DNAJB6: variants seen among roughly 807,000 people sequenced by gnomAD.
DNAJB6 encodes the protein dnaJ homolog subfamily B member 6.
Under a neutral mutation model 42.7 loss-of-function variants are expected in DNAJB6, and 16 were observed. The ratio of observed to expected loss-of-function variants is 0.37; its 90% CI spans 0.25 to 0.57. The LOEUF (loss-of-function observed/expected upper bound fraction) is 0.57, where lower values mean the gene tolerates loss of function less well. DNAJB6 is among the 20% of genes least tolerant of loss of function. The pLI is 0.74. For synonymous variants in DNAJB6, 170 were observed against 163.5 expected (o/e 1.04, Z -0.30); for missense variants, 347 against 416.8 (o/e 0.83, Z 1.46).
intron 1 of DNAJB6, among the ~76,000 whole-genome samples, chr7:157,349,295 A>G (rs1043917159): frequency 6.6e-6 from 1 of 152,210 alleles, no homozygotes; most frequent in Non-Finnish European, 1.5e-5. Flanking sequence ...AAATTCAATC[A>G]GAATGACAAT....
chr7:157,410,416 C>CCGA (rs1455790791), intron 9 of DNAJB6: 1 of 342,158 alleles, frequency 2.9e-6, no homozygotes, highest in Non-Finnish European at 5.2e-6. Context: ...TTCACCTTCT[C>CCGA]GTGCCTTCTT....
intron 8 of DNAJB6, among the ~76,000 whole-genome samples, chr7:157,400,574 G>A (rs184085297): frequency 3.1e-4 from 47 of 152,376 alleles, no homozygotes; most frequent in African/African-American, 9.9e-4. Context: ...CTGTGTTTAC[G>A]TTCTTGGCTC....
intron 5 of DNAJB6, among the ~76,000 whole-genome samples, chr7:157,374,216 T>G (rs1351974701): frequency 6.6e-6 from 1 of 152,144 alleles, no homozygotes; most frequent in African/African-American, 2.4e-5. Context: ...TATGGTTGTG[T>G]GCGTATTTGA....
At chr7:157,369,157 GT>G (rs1322444958) in intron 5 of DNAJB6, 2 of 401,840 alleles carry the variant, frequency 5.0e-6, no homozygotes, top group African/African-American at 4.1e-5. Flanking sequence ...CGTGCTCATC[GT>G]TTAAGTGCAT....
intron 6 of DNAJB6, chr7:157,382,651 A>G (rs977446531): frequency 1.3e-5 from 3 of 225,312 alleles, no homozygotes; most frequent in African/African-American, 4.6e-5. Context: ...GGGGCAACAT[A>G]TGTTCTGCAT....
chr7:157,360,633 C>CTAG (rs1182443541), intron 2 of DNAJB6, among the ~76,000 whole-genome samples: 1 of 152,208 alleles, frequency 6.6e-6, no homozygotes, highest in Non-Finnish European at 1.5e-5. Flanking sequence ...ATTTCCTGCA[C>CTAG]TCCTGAGTGT....
Position 157,350,664 on chromosome 7 carries a change from C to G in DNAJB6, c.-26-7883C>G, listed in dbSNP as rs772028149. On this transcript the variant is annotated intron_variant, in intron 1 of 9. Transcript: ENST00000262177. Reference sequence around the variant, plus strand: ...AAGACGCCCAATATGGCACTTTTCTCGAAGTACTTGGAGACAACAACCTTT... The same window carrying G: ...AAGACGCCCAATATGGCACTTTTCTGGAAGTACTTGGAGACAACAACCTTT... Among the ~76,000 whole-genome samples, 6 of 151,424 alleles carry G rather than the reference C, an allele frequency of 4.0e-5. No homozygotes were observed. In the East Asian group the frequency reaches 7.8e-4, roughly 20 times the overall value.
chr7:157,351,881 T>C (rs1798999061), intron 1 of DNAJB6, among the ~76,000 whole-genome samples: 1 of 151,888 alleles, frequency 6.6e-6, no homozygotes, highest in African/African-American at 2.4e-5. Flanking sequence ...TAGTCCCAGC[T>C]AGCTGGGAGG....
chr7:157,395,739 C>T (rs1801554192), intron 8 of DNAJB6, among the ~76,000 whole-genome samples: 1 of 141,852 alleles, frequency 7.0e-6, no homozygotes, highest in Non-Finnish European at 1.5e-5. Context: ...GGCTGGAGTA[C>T]AGTGGGGCGA....
At position 157,376,076 on chromosome 7, in the gene DNAJB6, G is replaced by A. The variant is rs3802092; in HGVS notation, c.347-6170G>A. On this transcript the variant is annotated intron_variant, in intron 5 of 9. Coordinates refer to ENST00000262177, the MANE Select transcript of DNAJB6 (RefSeq NM_058246.4). ...TTAGTGCTGCCCTGAGATGAACGTG[G>A]TTGGTGGGAATCCCTTCGCTTCGTT... 5.1e-3 allele frequency among the ~76,000 whole-genome samples: 773 copies of A among 152,296 alleles called. 15 individuals are homozygous for A. The highest frequency in any genetic ancestry group is 0.019 in the East Asian group (98 of 5,180).
chr7:157,346,478 C>A (rs2116878157), intron 1 of DNAJB6, among the ~76,000 whole-genome samples: 1 of 152,250 alleles, frequency 6.6e-6, no homozygotes, highest in South Asian at 2.1e-4. Flanking sequence ...AGTATTTCTA[C>A]AGCTTCAGGC....
At chr7:157,400,832 G>A (rs1801826773) in intron 8 of DNAJB6, among the ~76,000 whole-genome samples, 1 of 152,200 alleles carries the variant, frequency 6.6e-6, no homozygotes, top group Admixed American at 6.5e-5. Flanking sequence ...ATCCTGCAGA[G>A]GGGCCTGGCA....
At chr7:157,407,235 G>A (rs149055679) in intron 8 of DNAJB6, among the ~76,000 whole-genome samples, 6 of 152,326 alleles carry the variant, frequency 3.9e-5, no homozygotes, top group Non-Finnish European at 5.9e-5. Flanking sequence ...GGAGTGGGGC[G>A]AGTGAGCGGC....
chr7:157,397,998 C>A (rs560864988), intron 8 of DNAJB6, among the ~76,000 whole-genome samples: 1 of 152,214 alleles, frequency 6.6e-6, no homozygotes, highest in African/African-American at 2.4e-5. Flanking sequence ...GGCAGCAGAG[C>A]GAGACTCTTG....
chr7:157,357,861 G>A (rs1799388093), intron 1 of DNAJB6, among the ~76,000 whole-genome samples: 1 of 152,174 alleles, frequency 6.6e-6, no homozygotes, highest in Non-Finnish European at 1.5e-5. Context: ...TCTGCTGCTG[G>A]TTTTCCACCT....
rs1392744517 is a variant in DNAJB6, at chr7:157,358,612, G to T, written c.40G>T (p.Ala14Ser). 6 of 1,613,676 alleles carry T rather than the reference G, an allele frequency of 3.7e-6. No homozygotes were observed. The Admixed American group carries it at 8.3e-5, about 22-fold the overall frequency. Residue 14 changes from alanine to serine, a missense_variant, in exon 2 of 10, where the codon GCC becomes TCC. This residue lies in a region of DNAJB6 where 78 missense variants were observed against 102.1 expected (regional missense o/e 0.76). Transcript: ENST00000262177. ...TGAAGTTCTAGGCGTGCAGAGACAT[G>T]CCTCACCCGAGGATATTAAAAAGGC... ...YYEVLGVQRH[A>S]SPEDIKKAYR...
intron 8 of DNAJB6, among the ~76,000 whole-genome samples, chr7:157,399,247 G>GC (rs982189575): frequency 6.6e-6 from 1 of 152,134 alleles, no homozygotes; most frequent in Non-Finnish European, 1.5e-5. Context: ...GGTCCCTGTG[G>GC]CCCCCCGCCA....
chr7:157,397,478 G>C (rs1014270650), intron 8 of DNAJB6, among the ~76,000 whole-genome samples: 2 of 152,168 alleles, frequency 1.3e-5, no homozygotes, highest in African/African-American at 4.8e-5. Context: ...GAATCTTTTG[G>C]CCTTTTGTTG....
At chr7:157,358,827 A>G (rs1799437404) in intron 2 of DNAJB6, among the ~76,000 whole-genome samples, 190 bp downstream of exon 2, 1 of 152,130 alleles carries the variant, frequency 6.6e-6, no homozygotes, top group Non-Finnish European at 1.5e-5. Flanking sequence ...GCTCTTCATT[A>G]GTCAGTCACT....
Sources: gnomAD v4.1 joint callset for allele counts (sites outside exome capture counted in the v4.1 genomes callset) on GRCh38, gnomAD v4.1.1 for gene constraint, gnomAD v4.1.1 regional missense constraint, MANE v1.5 for transcripts, NCBI Gene and HGNC (gene_info 2026-07-23, HGNC 2026-07-21) for gene names.